Variants in MPPED1 observed in about 807,000 individuals in gnomAD.
The protein encoded by MPPED1 is metallophosphoesterase domain-containing protein 1.
In MPPED1, 16 loss-of-function variants were observed where a neutral mutation model predicts 36.2. The ratio of observed to expected loss-of-function variants is 0.44; its 90% CI spans 0.30 to 0.67. MPPED1 has a LOEUF of 0.67. Among genes scored for constraint, MPPED1 ranks in the 30% least tolerant of loss-of-function variants. The pLI is 0.10. For missense variants in MPPED1, 307 were observed against 453.4 expected (o/e 0.68, Z 2.93); for synonymous variants, 199 against 191.3 (o/e 1.04, Z -0.33).
In MPPED1 at chr22:43,443,540, G is replaced by A. The variant is rs189796077; in HGVS notation, c.406+8325G>A. Among the ~76,000 whole-genome samples, 51 of 152,274 alleles carry A rather than the reference G, an allele frequency of 3.3e-4. No homozygotes were observed. The East Asian group carries it at 4.6e-3, about 14-fold the overall frequency. On this transcript the variant is annotated intron_variant, in intron 3 of 6. Transcript: ENST00000443721. ...AATTTGCTGGTGGGGTATGAAGTTA[G>A]GGGCGAGGGAGATGGCTGACCTGGT...
intron 3 of MPPED1, among the ~76,000 whole-genome samples, chr22:43,464,625 A>G (rs867478723): frequency 6.6e-6 from 1 of 152,056 alleles, no homozygotes; most frequent in African/African-American, 2.4e-5. Context: ...GGATGGGTGC[A>G]AGGTGGGAGG....
In MPPED1 at chr22:43,502,255, C is replaced by G. The variant is rs998918326; in HGVS notation, c.749-389C>G. Among the ~76,000 whole-genome samples the G allele has an allele frequency of 6.6e-6, 1 of 152,118 alleles. No individual in the cohort carries two copies. The highest frequency in any genetic ancestry group is 1.5e-5 in the Non-Finnish European group (1 of 68,014). On this transcript the variant is annotated intron_variant, in intron 5 of 6. Coordinates refer to ENST00000443721, the MANE Select transcript of MPPED1 (RefSeq NM_001044370.2). This position sits in a 1 kb window ranked among gnomAD's most constrained non-coding sequence, Gnocchi z 5.5. ...ACCACCAGGGTGCCTGCCCTTGGGACTCACCCGTCCCTCTCTGGCCTCCGT... is the reference window on the plus strand; with the variant it reads ...ACCACCAGGGTGCCTGCCCTTGGGAGTCACCCGTCCCTCTCTGGCCTCCGT...
chr22:43,473,492 C>A (rs963562685), intron 3 of MPPED1, among the ~76,000 whole-genome samples: 1 of 152,264 alleles, frequency 6.6e-6, no homozygotes, highest in Admixed American at 6.5e-5. Context: ...GTCTTTGCTA[C>A]TTGCCTGACC....
intron 3 of MPPED1, among the ~76,000 whole-genome samples, chr22:43,436,692 AAGAC>A (rs1929973142): frequency 6.6e-6 from 1 of 152,172 alleles, no homozygotes; most frequent in Admixed American, 6.5e-5. Flanking sequence ...TGGGTTTCAA[AAGAC>A]AGGAGGTTCC....
rs1932257177 is a variant in MPPED1, at chr22:43,495,493, AGTGGTGGTGGAGGTGGTG to A, written c.633-2716_633-2699del. ...TGATGGTGGAGGTGGTGGTGGAGGT[AGTGGTGGTGGAGGTGGTG>A]GTGGTGGTGGAGGTGGTGGTGGTGG... is the stretch of plus-strand genomic sequence containing the variant. On this transcript the variant is annotated intron_variant, in intron 4 of 6. Coordinates refer to ENST00000443721, the MANE Select transcript of MPPED1 (RefSeq NM_001044370.2). Among the ~76,000 whole-genome samples the A allele has an allele frequency of 6.3e-4, 5 of 7,978 alleles. 1 individual carries two copies. The highest frequency in any genetic ancestry group is 1.0e-3 in the Non-Finnish European group (5 of 5,004). The allele number at this position is 7,978 out of a possible 152,430, so 5.2% of individuals were successfully genotyped here. A position where few individuals can be genotyped will look rare whatever the true frequency, so the allele number is the denominator to read the frequency against.
intron 1 of MPPED1, chr22:43,418,471 G>T: frequency 3.5e-6 from 1 of 283,076 alleles, no homozygotes; most frequent in Admixed American, 4.6e-5. Flanking sequence ...CTGCTGAGAT[G>T]CTCTGTGTGA....
At chr22:43,433,333 C>T (rs1232777877) in intron 2 of MPPED1, among the ~76,000 whole-genome samples, 1 of 152,142 alleles carries the variant, frequency 6.6e-6, no homozygotes, top group Non-Finnish European at 1.5e-5. Context: ...ACCATCAGTC[C>T]CTGGGCTTGT....
intron 3 of MPPED1, among the ~76,000 whole-genome samples, chr22:43,441,231 T>G (rs562747249): frequency 6.6e-6 from 1 of 152,304 alleles, no homozygotes; most frequent in South Asian, 2.1e-4. Context: ...CACTATGGCA[T>G]TTGGGACCCT....
At position 43,462,077 on chromosome 22, in the gene MPPED1, G is replaced by A. The variant is rs185104243; in HGVS notation, c.407-12659G>A. 1.2e-3 allele frequency among the ~76,000 whole-genome samples: 179 copies of A among 152,222 alleles called. 2 individuals are homozygous for A. The highest frequency in any genetic ancestry group is 4.2e-3 in the African/African-American group (174 of 41,528). On this transcript the variant is annotated intron_variant, in intron 3 of 6. Transcript: ENST00000443721. ...CCAGCACTCGGACCCTCAGAATCTC[G>A]GAGGAATCAGCCAGCTTTGATTTTC...
In MPPED1 at chr22:43,425,029, C is replaced by G; in HGVS notation, c.44C>G (p.Ala15Gly). 6.2e-7 allele frequency: 1 copy of G among 1,610,808 alleles called. No individual in the cohort carries two copies. Among genetic ancestry groups the G allele is most frequent in the South Asian group, 1.1e-5 (1 of 90,638 alleles). ...RWDASVLKAE[A>G]LALLPCGLGM... The stretch of plus-strand genomic sequence containing the variant: ...GATGCCAGCGTCCTGAAGGCGGAGG[C>G]CCTGGCCCTCCTCCCCTGCGGCCTG... Residue 15 changes from alanine (A) to glycine (G), a missense_variant, in exon 2 of 7, where the codon GCC becomes GGC. Physicochemically the swap from Ala to Gly is moderately conservative, Grantham distance 60. This residue lies in a region of MPPED1 where 169 missense variants were observed against 212.3 expected (regional missense o/e 0.80). Coordinates refer to ENST00000443721, the MANE Select transcript of MPPED1 (RefSeq NM_001044370.2).
intron 3 of MPPED1, among the ~76,000 whole-genome samples, chr22:43,469,520 C>T (rs1931294199): frequency 2.3e-4 from 1 of 4,268 alleles, no homozygotes; most frequent in Non-Finnish European, 5.8e-4. Context: ...CAGCCTTAGG[C>T]TCTAACAACA....
At chr22:43,497,514 GAA>G (rs1043471020) in intron 4 of MPPED1, among the ~76,000 whole-genome samples, 1 of 152,054 alleles carries the variant, frequency 6.6e-6, no homozygotes, top group Admixed American at 6.5e-5. Flanking sequence ...TTTTCTTCTT[GAA>G]AAGAGACTGC....
chr22:43,440,671 G>T (rs2146840657), intron 3 of MPPED1, among the ~76,000 whole-genome samples: 1 of 152,164 alleles, frequency 6.6e-6, no homozygotes, highest in African/African-American at 2.4e-5. Flanking sequence ...CCCACCCCCA[G>T]CCACAGGAAG....
At chr22:43,464,458 G>C (rs1931091864) in intron 3 of MPPED1, among the ~76,000 whole-genome samples, 1 of 152,118 alleles carries the variant, frequency 6.6e-6, no homozygotes, top group Non-Finnish European at 1.5e-5. Context: ...TCCAAGTCTG[G>C]CTTCCAGATT....
rs545780901 is a variant in MPPED1, at chr22:43,451,535, T to C, written c.406+16320T>C. ...ATCCGAGAGCTCGCGGAAGGCCGTT[T>C]GGAGCTAATTCTGGGCTGGTTTGAC... On this transcript the variant is annotated intron_variant, in intron 3 of 6. Coordinates refer to ENST00000443721, the MANE Select transcript of MPPED1 (RefSeq NM_001044370.2). Among the ~76,000 whole-genome samples the C allele has an allele frequency of 1.9e-3, 297 of 152,332 alleles. 1 individual carries two copies. The highest frequency in any genetic ancestry group is 7.0e-3 in the African/African-American group (291 of 41,566).
At chr22:43,499,746 G>C (rs1932582608) in intron 5 of MPPED1, among the ~76,000 whole-genome samples, 1 of 50,750 alleles carries the variant, frequency 2.0e-5, no homozygotes, top group African/African-American at 7.5e-5. Flanking sequence ...GGTGGTGGTG[G>C]TGATGGTGAT....
At chr22:43,454,886 C>T (rs1022499825) in intron 3 of MPPED1, among the ~76,000 whole-genome samples, 1 of 152,124 alleles carries the variant, frequency 6.6e-6, no homozygotes, top group African/African-American at 2.4e-5. Flanking sequence ...TCTTCAAGTG[C>T]ATCTTCTGCA....
chr22:43,483,912 G>A (rs1229156807), intron 4 of MPPED1, among the ~76,000 whole-genome samples: 1 of 152,232 alleles, frequency 6.6e-6, no homozygotes, highest in Non-Finnish European at 1.5e-5. Flanking sequence ...TCCAGCTCCT[G>A]CTGCCCGTGG....
intron 4 of MPPED1, among the ~76,000 whole-genome samples, chr22:43,491,649 A>G (rs1447521443): frequency 2.1e-4 from 19 of 92,410 alleles, no homozygotes; most frequent in South Asian, 4.2e-4. Flanking sequence ...GGTGGTGGTT[A>G]TGGAGGTGGT....
Sources: gnomAD v4.1 joint callset for allele counts (sites outside exome capture counted in the v4.1 genomes callset) on GRCh38, gnomAD v4.1.1 for gene constraint, gnomAD v4.1.1 regional missense constraint, Gnocchi (gnomAD v3.1) non-coding constraint, MANE v1.5 for transcripts, NCBI Gene and HGNC (gene_info 2026-07-23, HGNC 2026-07-21) for gene names.